The following AAMDC variants were observed in gnomAD, a reference collection of about 807,000 sequenced individuals.
AAMDC encodes mth938 domain-containing protein.
AAMDC carries 16 observed loss-of-function variants against 15.5 expected under a neutral mutation model. The ratio of observed to expected loss-of-function variants is 1.03; its 90% CI spans 0.70 to 1.57. The LOEUF (loss-of-function observed/expected upper bound fraction) is 1.57. Among genes scored for constraint, AAMDC ranks in the 40% most tolerant of loss-of-function variants. The pLI, the probability that AAMDC is intolerant of heterozygous loss-of-function variation, is 0.00. For missense variants in AAMDC, 141 were observed against 144.9 expected (o/e 0.97, Z 0.14); for synonymous variants, 51 against 51.6 (o/e 0.99, Z 0.05).
At chr11:77,852,571 T>G (rs1328131533) in intron 2 of AAMDC, among the ~76,000 whole-genome samples, 1 of 152,142 alleles carries the variant, frequency 6.6e-6, no homozygotes, top group Non-Finnish European at 1.5e-5. Flanking sequence ...AACATGAGAT[T>G]TGCGCAGGGA....
chr11:77,896,250 A>C (rs905574764), intron 5 of AAMDC, among the ~76,000 whole-genome samples: 4 of 152,240 alleles, frequency 2.6e-5, no homozygotes, highest in African/African-American at 7.2e-5. Context: ...AATAGTAGAG[A>C]AGCACACTTG....
chr11:77,877,078 G>A (rs141483463), downstream of AAMDC: 20 of 702,032 alleles, frequency 2.8e-5, no homozygotes, highest in African/African-American at 3.5e-4. Flanking sequence ...TCAGCTCCCT[G>A]GAGTTAATCA....
downstream of AAMDC, among the ~76,000 whole-genome samples, chr11:77,874,200 G>A (rs576215283): frequency 8.5e-5 from 13 of 152,214 alleles, no homozygotes; most frequent in African/African-American, 3.1e-4. Flanking sequence ...TCACAGACCC[G>A]ACACCCAGCA....
At chr11:77,895,697 A>C (rs1431294383) in intron 5 of AAMDC, among the ~76,000 whole-genome samples, 7 of 152,102 alleles carry the variant, frequency 4.6e-5, no homozygotes, top group Admixed American at 4.6e-4. Flanking sequence ...AAAGGAAAGC[A>C]ATTTGGCCAA....
At position 77,821,160 on chromosome 11, in the gene AAMDC, T is replaced by A. The variant is rs1159219783; in HGVS notation, c.-100T>A. On this transcript the variant is annotated 5_prime_UTR_variant, in exon 1 of 4. Coordinates refer to ENST00000393427, the MANE Select transcript of AAMDC (RefSeq NM_024684.4). ...CCGGAGGGCAGTTGGGGAGCGCAGA[T>A]CCCGAAGCAGCGCTGGGAGCGTAAG... 4 of 383,624 alleles carry A rather than the reference T, an allele frequency of 1.0e-5. No homozygotes were observed. Among genetic ancestry groups the A allele is most frequent in the Non-Finnish European group, 1.9e-5 (4 of 214,948 alleles). 23.8% of individuals were successfully genotyped at this position (383,624 alleles called of 1,614,324 possible).
At chr11:77,823,553 G>C (rs540257249) in intron 1 of AAMDC, among the ~76,000 whole-genome samples, 9 of 140,336 alleles carry the variant, frequency 6.4e-5, no homozygotes, top group Non-Finnish European at 1.4e-4. Flanking sequence ...AAGGTAGTGA[G>C]ACCTCATCTG....
chr11:77,853,563 G>A (rs1205826433), intron 2 of AAMDC, among the ~76,000 whole-genome samples: 1 of 152,124 alleles, frequency 6.6e-6, no homozygotes, highest in Non-Finnish European at 1.5e-5. Flanking sequence ...ATTATAATTC[G>A]ATATGAGATT....
intron 1 of AAMDC, among the ~76,000 whole-genome samples, chr11:77,832,515 A>G (rs1949480645): frequency 6.6e-6 from 1 of 151,946 alleles, no homozygotes; most frequent in Admixed American, 6.6e-5. Flanking sequence ...TAGCAGAGGC[A>G]GGGTTTCTCC....
intron 5 of AAMDC, among the ~76,000 whole-genome samples, chr11:77,888,989 A>G (rs1466453006): frequency 6.6e-6 from 1 of 152,242 alleles, no homozygotes; most frequent in Non-Finnish European, 1.5e-5. Flanking sequence ...ACTGTAAACT[A>G]GTTCAACCAT....
chr11:77,839,885 T>G (rs1949853606), intron 1 of AAMDC, among the ~76,000 whole-genome samples: 1 of 152,036 alleles, frequency 6.6e-6, no homozygotes, highest in Non-Finnish European at 1.5e-5. Context: ...AATACCTAGG[T>G]GATGGGTTGA....
At chr11:77,846,803 A>C (rs1038794290) in intron 2 of AAMDC, among the ~76,000 whole-genome samples, 1 of 152,148 alleles carries the variant, frequency 6.6e-6, no homozygotes, top group Non-Finnish European at 1.5e-5. Context: ...CTTGTTTTTT[A>C]ATTTTAATTT....
chr11:77,869,398 G>A (rs1951305277), intron 2 of AAMDC, among the ~76,000 whole-genome samples: 1 of 140,684 alleles, frequency 7.1e-6, no homozygotes, highest in South Asian at 2.2e-4. Context: ...CTGCAGCCTC[G>A]ACCTCCCAGG....
chr11:77,904,473 T>A (rs993515510), downstream of AAMDC, among the ~76,000 whole-genome samples: 1 of 152,222 alleles, frequency 6.6e-6, no homozygotes, highest in Non-Finnish European at 1.5e-5. Flanking sequence ...TTTAAATTAT[T>A]AATTAGTTTA....
chr11:77,836,829 G>A (rs888803983), intron 1 of AAMDC, among the ~76,000 whole-genome samples: 1 of 152,120 alleles, frequency 6.6e-6, no homozygotes, highest in African/African-American at 2.4e-5. Context: ...GCTGGGCATG[G>A]TGGTGGGCAC....
downstream of AAMDC, among the ~76,000 whole-genome samples, chr11:77,901,002 A>C (rs1952761628): frequency 6.6e-6 from 1 of 152,252 alleles, no homozygotes; most frequent in Non-Finnish European, 1.5e-5. Context: ...AGATTTGAAC[A>C]AAGTAGTCTG....
intron 5 of AAMDC, among the ~76,000 whole-genome samples, chr11:77,894,665 T>C (rs1440243097): frequency 1.3e-5 from 2 of 152,194 alleles, no homozygotes; most frequent in Non-Finnish European, 2.9e-5. Context: ...CAGTGTCAAG[T>C]TCCCCTTCTG....
At chr11:77,862,385 C>T (rs948294860) in intron 2 of AAMDC, among the ~76,000 whole-genome samples, 1 of 152,132 alleles carries the variant, frequency 6.6e-6, no homozygotes, top group African/African-American at 2.4e-5. Flanking sequence ...TCAATATAGC[C>T]ATCAGGGTTA....
intron 2 of AAMDC, among the ~76,000 whole-genome samples, chr11:77,862,967 C>G (rs769735516): frequency 1.3e-5 from 2 of 152,020 alleles, no homozygotes; most frequent in Non-Finnish European, 2.9e-5. Flanking sequence ...TTTGGAGGTC[C>G]CTTCATGGTT....
chr11:77,832,949 ATATGTGTGTGTGTGTGTG>A (rs747053961), intron 1 of AAMDC, among the ~76,000 whole-genome samples: 11 of 96,310 alleles, frequency 1.1e-4, no homozygotes, highest in South Asian at 3.2e-4. Context: ...TTGTATATAT[ATATGTGTGTGTGTGTGTG>A]TGTGTGTGTG....
Sources: allele counts gnomAD v4.1 joint callset (sites outside exome capture counted in the v4.1 genomes callset), GRCh38; gene constraint gnomAD v4.1.1; transcripts MANE v1.5; gene names NCBI Gene and HGNC (gene_info 2026-07-23, HGNC 2026-07-21).